Variants in KLHL2 observed in about 807,000 individuals in gnomAD.
KLHL2 encodes kelch like family member 2.
KLHL2 carries 15 observed loss-of-function variants against 75.8 expected under a neutral mutation model. That is an observed-to-expected ratio of 0.20 (90% CI 0.13 to 0.30). KLHL2 has a LOEUF of 0.30. KLHL2 is among the 10% of genes least tolerant of loss of function. The pLI is 1.00. For synonymous variants in KLHL2, 214 were observed against 251.9 expected (o/e 0.85, Z 1.42); for missense variants, 381 against 741.0 (o/e 0.51, Z 5.64).
chr4:165,264,676 ATATG>A (rs1196561895), intron 5 of KLHL2, among the ~76,000 whole-genome samples: 39 of 79,014 alleles, frequency 4.9e-4, no homozygotes, highest in African/African-American at 1.4e-3. Context: ...CTACATACGT[ATATG>A]TATGTGTGTG....
Position 165,294,451 on chromosome 4 carries a change from A to G in KLHL2, c.637A>G (p.Ile213Val), listed in dbSNP as rs767305169. 6 of 1,584,198 alleles carry G rather than the reference A, an allele frequency of 3.8e-6. No individual in the cohort carries two copies. In the South Asian group the frequency reaches 5.5e-5, roughly 15 times the overall value. ...CTTAATCTCAAGTGACAAACTTACC[A>G]TTTCTTCAGAAGAGAAGGTAAGGAT... ...CSLISSDKLT[I>V]SSEEKVFEAV... The change falls in exon 6 of 15, where the codon ATT becomes GTT. Residue 213 changes from isoleucine (I) to valine (V), a missense_variant. By Grantham distance (29) the Ile-to-Val change is conservative. Transcript: ENST00000226725.
At chr4:165,225,615 A>G (rs1560983439) in intron 2 of KLHL2, among the ~76,000 whole-genome samples, 1 of 152,128 alleles carries the variant, frequency 6.6e-6, no homozygotes, top group Non-Finnish European at 1.5e-5. Context: ...CAGACTTTTC[A>G]TTCGTAGCTG....
chr4:165,297,949 G>A (rs1269860198), intron 7 of KLHL2, among the ~76,000 whole-genome samples: 1 of 152,068 alleles, frequency 6.6e-6, no homozygotes, highest in Admixed American at 6.5e-5. Flanking sequence ...TCTGCCTACT[G>A]AGTAGCTGGG....
intron 5 of KLHL2, among the ~76,000 whole-genome samples, chr4:165,275,022 C>A (rs1742971670): frequency 6.6e-6 from 1 of 152,230 alleles, no homozygotes; most frequent in Non-Finnish European, 1.5e-5. Context: ...TGTGACCAGA[C>A]CGCCCAGGTT....
intron 5 of KLHL2, among the ~76,000 whole-genome samples, chr4:165,269,465 A>G (rs960969204): frequency 6.6e-6 from 1 of 151,762 alleles, no homozygotes; most frequent in South Asian, 2.1e-4. Flanking sequence ...ATTCCTTTCC[A>G]TGTTTAGTGC....
At chr4:165,255,299 A>AAAT (rs1741073553) in intron 4 of KLHL2, among the ~76,000 whole-genome samples, 1 of 152,184 alleles carries the variant, frequency 6.6e-6, no homozygotes, top group Admixed American at 6.5e-5. Flanking sequence ...AACCTCTCTT[A>AAAT]AAATGTTAAA....
intron 3 of KLHL2, among the ~76,000 whole-genome samples, chr4:165,232,695 A>G (rs1205420913): frequency 6.6e-6 from 1 of 152,068 alleles, no homozygotes; most frequent in Non-Finnish European, 1.5e-5. Context: ...AGCTGAGATC[A>G]TGCCACTGCC....
chr4:165,243,263 G>A (rs968773519), intron 4 of KLHL2, among the ~76,000 whole-genome samples: 6 of 152,152 alleles, frequency 3.9e-5, no homozygotes, highest in Admixed American at 6.5e-5. Context: ...TGACTTCTCC[G>A]CCTTTGGGTA....
chr4:165,302,526 CAT>C (rs1167530151), intron 8 of KLHL2, among the ~76,000 whole-genome samples: 2 of 152,108 alleles, frequency 1.3e-5, no homozygotes, highest in Non-Finnish European at 2.9e-5. Flanking sequence ...TGATTCTTTT[CAT>C]ATCTCAGACA....
At position 165,220,133 on chromosome 4, in the gene KLHL2, A is replaced by T. The variant is rs1737865097; in HGVS notation, c.152+74A>T. 5 of 1,531,560 alleles carry T rather than the reference A, an allele frequency of 3.3e-6. No individual in the cohort carries two copies. The Admixed American group carries it at 1.1e-4, about 34-fold the overall frequency. The allele number at this position is 1,531,560 out of a possible 1,614,324, so 94.9% of individuals were successfully genotyped here. On this transcript the variant is annotated intron_variant, in intron 2 of 14. Coordinates refer to ENST00000226725, the MANE Select transcript of KLHL2 (RefSeq NM_007246.4). The stretch of plus-strand genomic sequence containing the variant: ...TTTCAGTTGTTTGTAGTGAATATAT[A>T]ATCAACCTTCCATTGTTGCTTTGTC...
chr4:165,232,578 A>T (rs567090552), intron 3 of KLHL2, among the ~76,000 whole-genome samples: 36 of 152,072 alleles, frequency 2.4e-4, no homozygotes, highest in South Asian at 6.2e-4. Context: ...AAAGATTTTT[A>T]AAAAAATTGA....
intron 4 of KLHL2, among the ~76,000 whole-genome samples, chr4:165,240,131 G>A (rs1409207309): frequency 6.6e-6 from 1 of 152,100 alleles, no homozygotes; most frequent in African/African-American, 2.4e-5. Context: ...TTAATTTTTT[G>A]ATAGCAATGC....
intron 1 of KLHL2, among the ~76,000 whole-genome samples, chr4:165,214,629 A>G (rs1427653752): frequency 2.0e-5 from 3 of 152,182 alleles, no homozygotes; most frequent in Non-Finnish European, 2.9e-5. Flanking sequence ...TTCCCCACAC[A>G]CTTAACATAC....
intron 5 of KLHL2, chr4:165,278,762 A>G (rs755864380): frequency 6.3e-7 from 1 of 1,576,188 alleles, no homozygotes; most frequent in South Asian, 1.1e-5. Flanking sequence ...ATGATCAGAA[A>G]ATACACACTT....
intron 5 of KLHL2, among the ~76,000 whole-genome samples, chr4:165,274,601 TACGTCTCAA>T (rs1560793030): frequency 7.5e-6 from 1 of 132,780 alleles, no homozygotes; most frequent in Non-Finnish European, 1.6e-5. Flanking sequence ...AGAGTGAGAC[TACGTCTCAA>T]AAAAAAAAAA....
chr4:165,251,813 T>G (rs1474028826), intron 4 of KLHL2, among the ~76,000 whole-genome samples: 9 of 151,492 alleles, frequency 5.9e-5, no homozygotes, highest in African/African-American at 9.7e-5. Flanking sequence ...GTTTCACCGT[T>G]TTAGCCGGGA....
At chr4:165,250,066 G>A (rs1405315847) in intron 4 of KLHL2, among the ~76,000 whole-genome samples, 2 of 151,804 alleles carry the variant, frequency 1.3e-5, no homozygotes, top group Non-Finnish European at 2.9e-5. Flanking sequence ...GGAGCTTGCA[G>A]TAAGCCGAGA....
intron 4 of KLHL2, among the ~76,000 whole-genome samples, chr4:165,254,599 G>A (rs1341398131): frequency 6.6e-6 from 1 of 152,122 alleles, no homozygotes; most frequent in Non-Finnish European, 1.5e-5. Flanking sequence ...AAGGGCCAAG[G>A]CTTACTGTAC....
rs752710791 is a variant in KLHL2, at chr4:165,263,372, G to C, written c.544+13G>C. 13 of 1,607,612 alleles carry C rather than the reference G, an allele frequency of 8.1e-6. No homozygotes were observed. In the South Asian group the frequency reaches 1.2e-4, roughly 15 times the overall value. ...AACACCTATGCAGGCAAGTGGAGTA[G>C]ACCTCAGCTGAATTTGGGAGGAAAC... On this transcript the variant is annotated intron_variant, in intron 5 of 14. Coordinates refer to ENST00000226725, the MANE Select transcript of KLHL2 (RefSeq NM_007246.4).
Sources: gnomAD v4.1 joint callset for allele counts (sites outside exome capture counted in the v4.1 genomes callset) on GRCh38, gnomAD v4.1.1 for gene constraint, MANE v1.5 for transcripts, NCBI Gene and HGNC (gene_info 2026-07-23, HGNC 2026-07-21) for gene names.